Variants in VEZT observed in about 807,000 individuals in gnomAD.
VEZT encodes vezatin, adherens junctions transmembrane protein.
In VEZT, 39 loss-of-function variants were observed where a neutral mutation model predicts 79.9. The observed-to-expected ratio is 0.49, with a 90% CI of 0.38 to 0.64. VEZT has a LOEUF of 0.64. Among genes scored for constraint, VEZT ranks in the 30% least tolerant of loss-of-function variants. The pLI, the probability that VEZT is intolerant of heterozygous loss-of-function variation, is 0.00. For missense variants in VEZT, 837 were observed against 893.1 expected (o/e 0.94, Z 0.80); for synonymous variants, 325 against 327.6 (o/e 0.99, Z 0.09).
At chr12:95,290,322 A>T (rs1321911547) in intron 9 of VEZT, among the ~76,000 whole-genome samples, 1 of 152,238 alleles carries the variant, frequency 6.6e-6, no homozygotes, top group Non-Finnish European at 1.5e-5. Flanking sequence ...TATTTAACCA[A>T]GAAATATAAA....
chr12:95,273,714 TGTTGTATTACAAAGAATAAAAACCA>T (rs1428559990), intron 6 of VEZT, among the ~76,000 whole-genome samples: 1 of 152,168 alleles, frequency 6.6e-6, no homozygotes, highest in Non-Finnish European at 1.5e-5. Context: ...TACCAAAACA[TGTTGTATTACAAAGAATAAAAACCA>T]GTTGTATTAC....
At chr12:95,254,988 C>G (rs1172577745) in intron 2 of VEZT, among the ~76,000 whole-genome samples, 1 of 152,072 alleles carries the variant, frequency 6.6e-6, no homozygotes, top group Non-Finnish European at 1.5e-5. Flanking sequence ...CAGCAGGCTT[C>G]TCGTTGGCTT....
Position 95,287,716 on chromosome 12 carries a change from C to A in VEZT, c.1381C>A (p.Gln461Lys), listed in dbSNP as rs201317857. Reference protein sequence around the residue: ...LEKLVCTKETQELVSEAYPIL... With the variant: ...LEKLVCTKETKELVSEAYPIL... ...AAAGCTTGTTTGTACTAAAGAAACA[C>A]AAGAACTAGTGTCAGAGGCTTATCC... The change falls in exon 9 of 12, where the codon CAA (glutamine) becomes AAA (lysine). Residue 461 changes from glutamine (Q) to lysine (K), a missense_variant. Coordinates refer to ENST00000436874, the MANE Select transcript of VEZT (RefSeq NM_017599.4). 1.6e-3 allele frequency: 2,537 copies of A among 1,594,746 alleles called. 2 individuals are homozygous for A. The highest frequency in any genetic ancestry group is 2.0e-3 in the Non-Finnish European group (2,375 of 1,169,522).
At chr12:95,235,574 GC>G (rs2059985088) in intron 1 of VEZT, among the ~76,000 whole-genome samples, 1 of 144,068 alleles carries the variant, frequency 6.9e-6, no homozygotes, top group African/African-American at 2.6e-5. Context: ...GGACGGGGCG[GC>G]TGGCCGGGCA....
At position 95,294,308 on chromosome 12, in the gene VEZT, C is replaced by T; in HGVS notation, c.1559C>T (p.Thr520Ile). ...ATAGCATGTGAAAACCCACATTGTACAGTAGTACCTTTGAAGCAGCCTACT... is the reference window on the plus strand; with the variant it reads ...ATAGCATGTGAAAACCCACATTGTATAGTAGTACCTTTGAAGCAGCCTACT... ...PEIACENPHC[T>I]VVPLKQPTLH... The change falls in exon 10 of 12, where the codon ACA becomes ATA. Residue 520 changes from threonine (T) to isoleucine (I), a missense_variant. Transcript: ENST00000436874. The T allele has an allele frequency of 6.3e-7, 1 of 1,593,906 alleles. No individual in the cohort carries two copies.
chr12:95,300,363 C>T lies in VEZT; in HGVS notation c.2030C>T (p.Ser677Phe). Residue 677 changes from serine (S) to phenylalanine (F), a missense_variant, in exon 12 of 12, where the codon TCT (serine) becomes TTT (phenylalanine). By Grantham distance (155) the Ser-to-Phe change is radical. Transcript: ENST00000436874. ...NSLEGKNKDN[S>F]SNEVFPQGAE... is the part of the protein sequence containing the mutation. ...CTAGAAGGTAAAAATAAAGATAATT[C>T]TTCAAATGAAGTCTTCCCCCAAGGA... 6.2e-7 allele frequency: 1 copy of T among 1,613,346 alleles called. No individual in the cohort carries two copies. The highest frequency in any genetic ancestry group is 8.5e-7 in the Non-Finnish European group (1 of 1,179,606).
Position 95,252,833 on chromosome 12 carries a change from C to T in VEZT, c.168+762C>T, listed in dbSNP as rs142837687. Reference sequence around the variant, plus strand: ...TGGAAAAATTAGCTGGGCGTGGTGGCGGGCGCCTGTAATCCCAGCTACTCG... The same window carrying T: ...TGGAAAAATTAGCTGGGCGTGGTGGTGGGCGCCTGTAATCCCAGCTACTCG... On this transcript the variant is annotated intron_variant, in intron 2 of 11. Coordinates refer to ENST00000436874, the MANE Select transcript of VEZT (RefSeq NM_017599.4). Among the ~76,000 whole-genome samples, 23 of 152,230 alleles carry T rather than the reference C, an allele frequency of 1.5e-4. No individual in the cohort carries two copies. The East Asian group carries it at 4.3e-3, about 28-fold the overall frequency.
At chr12:95,288,787 C>T (rs1039171493) in intron 9 of VEZT, among the ~76,000 whole-genome samples, 4 of 152,062 alleles carry the variant, frequency 2.6e-5, no homozygotes, top group Non-Finnish European at 4.4e-5. Flanking sequence ...ATTTTTTCTC[C>T]AAAGGATAAA....
chr12:95,263,082 G>A lies in VEZT; in HGVS notation c.434+1G>A. On this transcript the variant is annotated splice_donor_variant, in intron 4 of 11. Transcript: ENST00000436874. LOFTEE classifies it high-confidence loss of function. ...GCTCCCTGGCAACCCCTAATATTTG[G>A]TACTGTCCAGAAAACACCTATTCTT... is the stretch of plus-strand genomic sequence containing the variant. The A allele has an allele frequency of 6.3e-7, 1 of 1,595,720 alleles. No homozygotes were observed.
intron 1 of VEZT, among the ~76,000 whole-genome samples, chr12:95,239,142 G>A (rs966699726): frequency 3.9e-5 from 6 of 152,156 alleles, no homozygotes; most frequent in African/African-American, 1.4e-4. Flanking sequence ...GGGGACTAGG[G>A]TAGGAAAAAC....
chr12:95,274,005 A>T (rs1256853311), intron 6 of VEZT, among the ~76,000 whole-genome samples: 2 of 152,220 alleles, frequency 1.3e-5, no homozygotes, highest in African/African-American at 4.8e-5. Context: ...AGCTAGATAG[A>T]ACAGGCCTGG....
rs371205983 is a variant in VEZT at position 95,233,779 on chromosome 12, G to A, written c.36+15893G>A. ...TATGTGTATGTGTATATATATATAT[G>A]TGTGTGACATACATAAATATATTGT... On this transcript the variant is annotated intron_variant, in intron 1 of 11. Coordinates refer to ENST00000436874, the MANE Select transcript of VEZT (RefSeq NM_017599.4). Among the ~76,000 whole-genome samples the A allele has an allele frequency of 7.9e-5, 12 of 152,238 alleles. No individual in the cohort carries two copies. The East Asian group carries it at 2.1e-3, about 27-fold the overall frequency.
chr12:95,260,186 A>G (rs1168939613), intron 3 of VEZT, among the ~76,000 whole-genome samples: 2 of 147,534 alleles, frequency 1.4e-5, no homozygotes, highest in African/African-American at 2.5e-5. Flanking sequence ...GCTCACTGCA[A>G]CCTCTGCCTC....
rs140628739 is a variant in VEZT, at chr12:95,259,658, G to A, written c.258+2419G>A. 2.6e-5 allele frequency among the ~76,000 whole-genome samples: 4 copies of A among 152,306 alleles called. No homozygotes were observed. In the East Asian group the frequency reaches 7.7e-4, roughly 29 times the overall value. ...ATAGTACACATCCCAGGAGCATAGA[G>A]CCTCCAGCCATGCAGGTGATACCTG... On this transcript the variant is annotated intron_variant, in intron 3 of 11. Coordinates refer to ENST00000436874, the MANE Select transcript of VEZT (RefSeq NM_017599.4).
At position 95,236,388 on chromosome 12, in the gene VEZT, G is replaced by C. The variant is rs376900339; in HGVS notation, c.37-15552G>C. Among the ~76,000 whole-genome samples the C allele has an allele frequency of 5.9e-5, 9 of 152,132 alleles. No homozygotes were observed. In the East Asian group the frequency reaches 7.7e-4, roughly 13 times the overall value. ...GATGGCAGCAGTACAGTCCAGCTTC[G>C]GCTCGGCATCAGAGGGAGACCGTGG... On this transcript the variant is annotated intron_variant, in intron 1 of 11. Transcript: ENST00000436874.
intron 1 of VEZT, 112 bp from the exon 2 acceptor site, chr12:95,251,828 A>G (rs186836426): frequency 1.1e-6 from 1 of 884,946 alleles, no homozygotes; most frequent in African/African-American, 1.7e-5. Context: ...AAGAAGCCTT[A>G]AAGAATTTGG....
chr12:95,249,662 C>A (rs2062211723), intron 1 of VEZT, among the ~76,000 whole-genome samples: 1 of 152,158 alleles, frequency 6.6e-6, no homozygotes. Context: ...CTTCTGAATG[C>A]AAGAATATAT....
At position 95,276,818 on chromosome 12, in the gene VEZT, C is replaced by T. The variant is rs551069353; in HGVS notation, c.996+1929C>T. On this transcript the variant is annotated intron_variant, in intron 7 of 11. Transcript: ENST00000436874. Reference sequence around the variant, plus strand: ...ATAATCTTGTTTGTTTTCTTTCTTTCCTATTACGTAAAATTTGCTTTGGCT... The same window carrying T: ...ATAATCTTGTTTGTTTTCTTTCTTTTCTATTACGTAAAATTTGCTTTGGCT... Among the ~76,000 whole-genome samples the T allele has an allele frequency of 1.6e-4, 25 of 152,160 alleles. No individual in the cohort carries two copies. In the Middle Eastern group the frequency reaches 0.014, roughly 83 times the overall value.
intron 8 of VEZT, among the ~76,000 whole-genome samples, chr12:95,285,374 G>T (rs2070462867): frequency 1.3e-5 from 2 of 151,914 alleles, no homozygotes. Flanking sequence ...ACCCCTGGAG[G>T]TTGAGGTTGC....
Sources: allele counts gnomAD v4.1 joint callset (sites outside exome capture counted in the v4.1 genomes callset), GRCh38; gene constraint gnomAD v4.1.1; transcripts MANE v1.5; gene names NCBI Gene and HGNC (gene_info 2026-07-23, HGNC 2026-07-21).